The following ASAP2 variants were observed in gnomAD, a reference collection of about 807,000 sequenced individuals.
ASAP2 encodes the protein arf-GAP with SH3 domain, ANK repeat and PH domain-containing protein 2.
Under a neutral mutation model 131.4 loss-of-function variants are expected in ASAP2, and 45 were observed. That is an observed-to-expected ratio of 0.34 (90% CI 0.27 to 0.44). The LOEUF (loss-of-function observed/expected upper bound fraction) is 0.44, where lower values mean the gene tolerates loss of function less well. ASAP2 is among the 20% of genes least tolerant of loss of function. The pLI, the probability that ASAP2 is intolerant of heterozygous loss-of-function variation, is 1.00. For missense variants in ASAP2, 1,011 were observed against 1,297.0 expected (o/e 0.78, Z 3.39); for synonymous variants, 510 against 503.0 (o/e 1.01, Z -0.19).
chr2:9,283,888 T>C (rs1270694023), intron 2 of ASAP2, among the ~76,000 whole-genome samples: 1 of 152,156 alleles, frequency 6.6e-6, no homozygotes, highest in Non-Finnish European at 1.5e-5. Flanking sequence ...CTTGACCTCA[T>C]CTAAACCTAA....
intron 1 of ASAP2, among the ~76,000 whole-genome samples, chr2:9,227,915 G>A (rs1377829960): frequency 5.3e-5 from 8 of 152,210 alleles, no homozygotes; most frequent in Non-Finnish European, 8.8e-5. Flanking sequence ...AGAAATATTT[G>A]CATGTTACAT....
intron 1 of ASAP2, among the ~76,000 whole-genome samples, chr2:9,262,096 G>A (rs2148203686): frequency 6.6e-6 from 1 of 152,240 alleles, no homozygotes; most frequent in Non-Finnish European, 1.5e-5. Context: ...CGATCCTCCT[G>A]CCTCAGCCTC....
At chr2:9,241,596 C>T (rs904496236) in intron 1 of ASAP2, among the ~76,000 whole-genome samples, 9 of 152,118 alleles carry the variant, frequency 5.9e-5, no homozygotes, top group Non-Finnish European at 1.2e-4. Context: ...ATGGTGGCGC[C>T]GTGATCGCAC....
Position 9,389,807 on chromosome 2 carries a change from C to A in ASAP2, c.2384-1255C>A, listed in dbSNP as rs576212652. Among the ~76,000 whole-genome samples the A allele has an allele frequency of 6.6e-6, 1 of 152,270 alleles. No homozygotes were observed. The highest frequency in any genetic ancestry group is 2.4e-5 in the African/African-American group (1 of 41,554). On this transcript the variant is annotated intron_variant, in intron 22 of 27. Coordinates refer to ENST00000281419, the MANE Select transcript of ASAP2 (RefSeq NM_003887.3). The surrounding 1 kb of genome is among the most constrained non-coding windows in gnomAD (Gnocchi z 4.7). ...CCATCCCTGGCTTGATGAGGACGTC[C>A]CTGAGCACAGAAGGCAGCTACAAGA...
chr2:9,337,174 C>G (rs1671260356), intron 9 of ASAP2, among the ~76,000 whole-genome samples: 1 of 152,232 alleles, frequency 6.6e-6, no homozygotes, highest in Non-Finnish European at 1.5e-5. Context: ...CTTTACTATT[C>G]TTCTTTGGCT....
At chr2:9,230,417 G>A (rs936960366) in intron 1 of ASAP2, among the ~76,000 whole-genome samples, 2 of 152,212 alleles carry the variant, frequency 1.3e-5, no homozygotes, top group Non-Finnish European at 2.9e-5. Flanking sequence ...TTCCCAAGCC[G>A]AGGTTTCTGG....
intron 1 of ASAP2, among the ~76,000 whole-genome samples, chr2:9,254,263 G>A (rs1664973245): frequency 1.8e-5 from 2 of 110,576 alleles, no homozygotes; most frequent in South Asian, 2.8e-4. Context: ...ATACACGTGT[G>A]TGTGTATGCA....
intron 3 of ASAP2, among the ~76,000 whole-genome samples, chr2:9,298,673 T>C (rs962807019): frequency 6.6e-6 from 1 of 151,934 alleles, no homozygotes; most frequent in African/African-American, 2.4e-5. Context: ...TGGAGATTTT[T>C]TTTAAACTGG....
At chr2:9,382,265 T>A (rs1674920431) in intron 20 of ASAP2, among the ~76,000 whole-genome samples, 1 of 152,202 alleles carries the variant, frequency 6.6e-6, no homozygotes, top group Non-Finnish European at 1.5e-5. Flanking sequence ...ATTATAGGCG[T>A]GAGCCACCAC....
chr2:9,279,474 C>G, intron 2 of ASAP2, 85 bp downstream of exon 2: 1 of 1,279,760 alleles, frequency 7.8e-7, no homozygotes, highest in Non-Finnish European at 1.1e-6. Flanking sequence ...TGACCATTAA[C>G]AAATGAGCCA....
chr2:9,374,560 A>G (rs1674236219), intron 16 of ASAP2, among the ~76,000 whole-genome samples, 195 bp from the exon 17 acceptor site: 1 of 152,218 alleles, frequency 6.6e-6, no homozygotes, highest in Admixed American at 6.5e-5. Context: ...CCCCCTGGCC[A>G]GTTCCCAGGA....
At chr2:9,266,344 A>T (rs1231417695) in intron 1 of ASAP2, among the ~76,000 whole-genome samples, 2 of 152,026 alleles carry the variant, frequency 1.3e-5, no homozygotes, top group African/African-American at 4.8e-5. Flanking sequence ...ATGGGGTCTC[A>T]CTGTGTTGCC....
rs1483569154 is a variant in ASAP2, at chr2:9,207,736, C to T, written c.126+506C>T. On this transcript the variant is annotated intron_variant, in intron 1 of 27. Coordinates refer to ENST00000281419, the MANE Select transcript of ASAP2 (RefSeq NM_003887.3). This position sits in a 1 kb window ranked among gnomAD's most constrained non-coding sequence, Gnocchi z 4.1. ...TCCCGGGCTGCCCGGGAAGGCGTGC[C>T]CGCCTCAGCCAGGGCGGCCTGGCTG... 6.6e-6 allele frequency among the ~76,000 whole-genome samples: 1 copy of T among 152,038 alleles called. No individual in the cohort carries two copies. Among genetic ancestry groups the T allele is most frequent in the Non-Finnish European group, 1.5e-5 (1 of 67,966 alleles).
intron 1 of ASAP2, among the ~76,000 whole-genome samples, chr2:9,228,047 T>A (rs368675874): frequency 1.1e-3 from 169 of 152,342 alleles, no homozygotes; most frequent in African/African-American, 4.0e-3. Flanking sequence ...ATAGTCTAGA[T>A]AACATTATGA....
At chr2:9,262,313 G>A (rs1665629685) in intron 1 of ASAP2, among the ~76,000 whole-genome samples, 1 of 152,154 alleles carries the variant, frequency 6.6e-6, no homozygotes, top group Non-Finnish European at 1.5e-5. Context: ...CGGTCCTGGG[G>A]TAACAGCGTC....
intron 9 of ASAP2, among the ~76,000 whole-genome samples, chr2:9,335,602 T>C (rs1191440047): frequency 2.0e-5 from 3 of 152,158 alleles, no homozygotes; most frequent in Non-Finnish European, 4.4e-5. Flanking sequence ...AGCCCTGAGA[T>C]TGTGTTCTAT....
intron 1 of ASAP2, among the ~76,000 whole-genome samples, chr2:9,263,889 C>G (rs1371245761): frequency 1.3e-5 from 2 of 152,012 alleles, no homozygotes; most frequent in Non-Finnish European, 2.9e-5. Flanking sequence ...ATTTTTTTCC[C>G]TTTTAAAAGT....
chr2:9,273,199 T>C (rs1203968961), intron 1 of ASAP2, among the ~76,000 whole-genome samples: 1 of 152,218 alleles, frequency 6.6e-6, no homozygotes, highest in Non-Finnish European at 1.5e-5. Flanking sequence ...TCTTCATTTT[T>C]TTTGGTGTCC....
At chr2:9,221,430 C>A (rs1662414148) in intron 1 of ASAP2, among the ~76,000 whole-genome samples, 1 of 150,222 alleles carries the variant, frequency 6.7e-6, no homozygotes, top group African/African-American at 2.5e-5. Flanking sequence ...GCTGGGATTG[C>A]AGGCATGAGC....
Sources: gnomAD v4.1 joint callset for allele counts (sites outside exome capture counted in the v4.1 genomes callset) on GRCh38, gnomAD v4.1.1 for gene constraint, Gnocchi (gnomAD v3.1) non-coding constraint, MANE v1.5 for transcripts, NCBI Gene and HGNC (gene_info 2026-07-23, HGNC 2026-07-21) for gene names.